Variants in CHODL observed in about 807,000 individuals in gnomAD.
CHODL encodes transmembrane protein MT75.
In CHODL, 29 loss-of-function variants were observed where a neutral mutation model predicts 34.5. That is an observed-to-expected ratio of 0.84 (90% CI 0.63 to 1.15). The LOEUF (loss-of-function observed/expected upper bound fraction) is 1.15, where lower values mean the gene tolerates loss of function less well. CHODL is among the 50% of genes most tolerant of loss of function. The pLI is 0.00. For missense variants in CHODL, 332 were observed against 332.5 expected (o/e 1.00, Z 0.01); for synonymous variants, 125 against 116.1 (o/e 1.08, Z -0.49).
intron 1 of CHODL, among the ~76,000 whole-genome samples, chr21:18,249,025 A>G (rs1216703248): frequency 1.7e-5 from 2 of 118,216 alleles, no homozygotes; most frequent in Non-Finnish European, 3.2e-5. Context: ...ATTATACATA[A>G]TATTAATATA....
intron 1 of CHODL, among the ~76,000 whole-genome samples, chr21:17,957,411 C>G (rs1252319972): frequency 6.6e-6 from 1 of 152,116 alleles, no homozygotes; most frequent in Non-Finnish European, 1.5e-5. Context: ...TACATGTTTC[C>G]TGATCTTGCT....
At chr21:18,008,932 GGTTT>G (rs983764386) in intron 1 of CHODL, among the ~76,000 whole-genome samples, 2 of 151,966 alleles carry the variant, frequency 1.3e-5, no homozygotes, top group African/African-American at 2.4e-5. Flanking sequence ...TTTTAAAGTG[GGTTT>G]GTTTATTTCA....
intron 1 of CHODL, among the ~76,000 whole-genome samples, chr21:17,997,996 C>A (rs1447210504): frequency 6.6e-6 from 1 of 152,210 alleles, no homozygotes; most frequent in African/African-American, 2.4e-5. Context: ...ACTTAAAAGT[C>A]CACAGTCCAA....
intron 2 of CHODL, among the ~76,000 whole-genome samples, chr21:18,169,631 CT>C (rs1601098315): frequency 6.6e-6 from 1 of 151,850 alleles, no homozygotes; most frequent in Non-Finnish European, 1.5e-5. Flanking sequence ...TCTTTACTTT[CT>C]TTTGCTTATT....
intron 2 of CHODL, among the ~76,000 whole-genome samples, chr21:18,194,583 A>T (rs1323441471): frequency 6.6e-6 from 1 of 150,618 alleles, no homozygotes; most frequent in East Asian, 1.9e-4. Context: ...CTCAATTTAA[A>T]TTAGTCACTG....
At chr21:18,027,905 G>C (rs1414111390) in exon 2 of CHODL, 2 of 152,536 alleles carry the variant, frequency 1.3e-5, no homozygotes, top group African/African-American at 4.8e-5. Context: ...TGTAGACCAG[G>C]AGGTGGTCCC....
chr21:18,193,346 C>A (rs1226979934), intron 2 of CHODL, among the ~76,000 whole-genome samples: 1 of 152,074 alleles, frequency 6.6e-6, no homozygotes, highest in African/African-American at 2.4e-5. Context: ...CTGATCTAGG[C>A]ATATCAGGAT....
chr21:18,052,324 G>GGT (rs944843727), intron 2 of CHODL, among the ~76,000 whole-genome samples: 9 of 151,822 alleles, frequency 5.9e-5, no homozygotes, highest in Admixed American at 1.3e-4. Context: ...TTTTACTGAT[G>GGT]AGGAAGCTAT....
chr21:18,234,349 CTATT>C lies in CHODL; in HGVS notation c.-44-22158_-44-22155del, dbSNP rs1239736831. ...GCAGGAAATGGAAGCAGAGTGTGGA[CTATT>C]TTCTTGCCCTCTACTGGCCGTGAAG... On this transcript the variant is annotated intron_variant, in intron 2 of 6. Coordinates refer to the CHODL transcript ENST00000400127. 3.6e-3 allele frequency among the ~76,000 whole-genome samples: 550 copies of C among 152,156 alleles called. 5 individuals carry two copies. Among genetic ancestry groups the C allele is most frequent in the African/African-American group, 0.012 (509 of 41,536 alleles).
At chr21:17,995,113 A>T (rs750915226) in intron 1 of CHODL, among the ~76,000 whole-genome samples, 12 of 152,094 alleles carry the variant, frequency 7.9e-5, no homozygotes, top group Non-Finnish European at 1.6e-4. Context: ...CCACAGAGGG[A>T]TGTCACCAAA....
intron 2 of CHODL, among the ~76,000 whole-genome samples, chr21:18,129,900 G>C (rs1213414381): frequency 1.0e-4 from 3 of 28,588 alleles, no homozygotes; most frequent in South Asian, 1.3e-3. Flanking sequence ...CTCTGTGTGT[G>C]TGTGTGTGTG....
intron 2 of CHODL, among the ~76,000 whole-genome samples, chr21:18,154,337 C>A (rs2073007494): frequency 2.0e-5 from 3 of 152,124 alleles, no homozygotes. Flanking sequence ...CTCTTATCAT[C>A]AAAGATGGGA....
At chr21:17,934,250 A>ATT (rs1024899073) in intron 1 of CHODL, among the ~76,000 whole-genome samples, 1 of 150,240 alleles carries the variant, frequency 6.7e-6, no homozygotes, top group Non-Finnish European at 1.5e-5. Flanking sequence ...AAAAAAACAC[A>ATT]TTCTCAAAAA....
At chr21:18,248,989 C>G (rs2074195859) in intron 1 of CHODL, among the ~76,000 whole-genome samples, 1 of 105,122 alleles carries the variant, frequency 9.5e-6, no homozygotes. Context: ...ATATATTATA[C>G]ATATATGTAT....
At chr21:17,953,646 T>A (rs1179671310) in intron 1 of CHODL, among the ~76,000 whole-genome samples, 2 of 152,010 alleles carry the variant, frequency 1.3e-5, no homozygotes, top group Non-Finnish European at 1.5e-5. Flanking sequence ...ATTAAAGTAA[T>A]GGATTCAAAT....
intron 2 of CHODL, among the ~76,000 whole-genome samples, chr21:18,200,949 A>T (rs1475387165): frequency 1.3e-5 from 2 of 152,174 alleles, no homozygotes; most frequent in Non-Finnish European, 2.9e-5. Context: ...GGAAGGAATT[A>T]TTCCCCAGAA....
At chr21:18,210,963 A>G (rs1287980559) in intron 2 of CHODL, among the ~76,000 whole-genome samples, 3 of 152,048 alleles carry the variant, frequency 2.0e-5, no homozygotes, top group Admixed American at 2.0e-4. Context: ...ACCACCTCCT[A>G]CTATCATCCC....
At chr21:18,188,801 G>A (rs1258093691) in intron 2 of CHODL, among the ~76,000 whole-genome samples, 5 of 152,176 alleles carry the variant, frequency 3.3e-5, no homozygotes. Context: ...TTTAGGAATG[G>A]GGCATTGCAA....
At chr21:18,262,356 C>CAT (rs2074392698) in intron 4 of CHODL, among the ~76,000 whole-genome samples, 1 of 152,148 alleles carries the variant, frequency 6.6e-6, no homozygotes, top group South Asian at 2.1e-4. Context: ...GAACCTAGGT[C>CAT]ATATAGCTTA....
Sources: allele counts gnomAD v4.1 joint callset (sites outside exome capture counted in the v4.1 genomes callset), GRCh38; gene constraint gnomAD v4.1.1; transcripts MANE v1.5; gene names NCBI Gene and HGNC (gene_info 2026-07-23, HGNC 2026-07-21).